The following COL12A1 variants were observed in gnomAD, a reference collection of about 807,000 sequenced individuals.
COL12A1 encodes collagen type XII alpha 1 chain.
COL12A1 carries 114 observed loss-of-function variants against 349.7 expected under a neutral mutation model. The observed-to-expected ratio is 0.33, with a 90% confidence interval of 0.28 to 0.38. COL12A1 has a LOEUF of 0.38. Among genes scored for constraint, COL12A1 ranks in the 10% least tolerant of loss-of-function variants. The pLI is 1.00. For synonymous variants in COL12A1, 1,369 were observed against 1,329.0 expected (o/e 1.03, Z -0.66); for missense variants, 3,284 against 3,756.9 (o/e 0.87, Z 3.29).
intron 11 of COL12A1, among the ~76,000 whole-genome samples, chr6:75,179,665 T>A (rs370229828): frequency 6.6e-6 from 1 of 152,328 alleles, no homozygotes; most frequent in East Asian, 1.9e-4. Flanking sequence ...TACTTCCTTA[T>A]AACTATCTTA....
chr6:75,139,982 C>T (rs1475411757), intron 27 of COL12A1, among the ~76,000 whole-genome samples: 1 of 152,074 alleles, frequency 6.6e-6, no homozygotes, highest in East Asian at 1.9e-4. Context: ...AATGAAAAGG[C>T]CCATTGAGAT....
intron 25 of COL12A1, 147 bp downstream of exon 25, chr6:75,145,179 A>G (rs921686663): frequency 3.6e-6 from 3 of 838,258 alleles, no homozygotes; most frequent in Non-Finnish European, 5.0e-6. Flanking sequence ...GAATTGAGAC[A>G]TTTATTCTCA....
At chr6:75,128,187 T>G in intron 38 of COL12A1, 109 bp downstream of exon 38, 251 of 892,256 alleles carry the variant, frequency 2.8e-4, no homozygotes, top group Non-Finnish European at 3.7e-4. Flanking sequence ...GTGTGGTATT[T>G]GAGATGTATT....
rs560301825 is a variant in COL12A1 at position 75,160,534 on chromosome 6, C to G, written c.2984-4011G>C. On this transcript the variant is annotated intron_variant, in intron 14 of 65. Coordinates refer to ENST00000322507, the MANE Select transcript of COL12A1 (RefSeq NM_004370.6). Reference sequence around the variant, plus strand: ...TCTGAAAATACTTTCTAAACAACAACAAAGTGGTGGTAGAACAAAGAAAGG... The same window carrying G: ...TCTGAAAATACTTTCTAAACAACAAGAAAGTGGTGGTAGAACAAAGAAAGG... 3.3e-5 allele frequency among the ~76,000 whole-genome samples: 5 copies of G among 152,238 alleles called. No individual in the cohort carries two copies. The East Asian group carries it at 7.7e-4, about 24-fold the overall frequency.
intron 49 of COL12A1, among the ~76,000 whole-genome samples, chr6:75,114,844 G>A (rs1319689213): frequency 1.3e-5 from 2 of 151,990 alleles, no homozygotes; most frequent in African/African-American, 4.8e-5. Flanking sequence ...TTGTATTTAT[G>A]TTTCTTTCCT....
At position 75,132,060 on chromosome 6, in the gene COL12A1, A is replaced by G. The variant is rs762625090; in HGVS notation, c.5817T>C (p.Asn1939=). 1.9e-6 allele frequency: 3 copies of G among 1,614,044 alleles called. No homozygotes were observed. The highest frequency in any genetic ancestry group is 3.3e-5 in the Admixed American group (2 of 60,014). The change falls in exon 35 of 66, where the codon AAT becomes AAC. Residue 1939 remains asparagine (N), a synonymous_variant. Transcript: ENST00000322507. ...GRTLMRGLAR[N]VQVYNPTPNS... The stretch of plus-strand genomic sequence containing the variant: ...TAGGTGTAGGATTGTATACTTGGAC[A>G]TTTCTTGCCAGTCCTCTCATCACTG...
Position 75,084,936 on chromosome 6 carries a change from G to A in COL12A1, c.*1611C>T. 3.8e-6 allele frequency: 1 copy of A among 262,014 alleles called. No individual in the cohort carries two copies. Among genetic ancestry groups the A allele is most frequent in the African/African-American group, 2.2e-5 (1 of 45,610 alleles). 16.2% of individuals were successfully genotyped at this position (262,014 alleles called of 1,614,324 possible). A position where few individuals can be genotyped will look rare whatever the true frequency, so the allele number is the denominator to read the frequency against. ...TGTGCTAACTAAAGGCACACGGCAT[G>A]TTCTCTCTTTGCAGCTTTTGTTAAC... On this transcript the variant is annotated 3_prime_UTR_variant, in exon 66 of 66. Transcript: ENST00000322507.
intron 21 of COL12A1, 97 bp downstream of exon 21, chr6:75,151,044 G>T: frequency 1.0e-6 from 1 of 982,502 alleles, no homozygotes; most frequent in South Asian, 2.0e-5. Context: ...ACATTTCATA[G>T]TGCACAAAAT....
At chr6:75,107,415 C>T (rs1422138872) in intron 52 of COL12A1, among the ~76,000 whole-genome samples, 7 of 152,020 alleles carry the variant, frequency 4.6e-5, no homozygotes, top group Non-Finnish European at 5.9e-5. Flanking sequence ...GCATTACAGG[C>T]GCCCACTACC....
chr6:75,107,387 C>T (rs1245607228), intron 52 of COL12A1, among the ~76,000 whole-genome samples: 2 of 152,112 alleles, frequency 1.3e-5, no homozygotes. Flanking sequence ...TCTCCTGCCT[C>T]AGCCTCCCAA....
At chr6:75,095,749 A>C (rs1033717632) in intron 59 of COL12A1, among the ~76,000 whole-genome samples, 2 of 152,174 alleles carry the variant, frequency 1.3e-5, no homozygotes. Flanking sequence ...AAATACACGC[A>C]TATGTATATA....
intron 12 of COL12A1, 118 bp from the exon 13 acceptor site, chr6:75,175,428 T>C (rs559538698): frequency 8.3e-7 from 1 of 1,206,588 alleles, no homozygotes; most frequent in Admixed American, 2.7e-5. Context: ...TGGGTGAGAC[T>C]ATGACAATTT....
intron 34 of COL12A1, 71 bp downstream of exon 34, chr6:75,133,222 G>T: frequency 7.6e-7 from 1 of 1,311,824 alleles, no homozygotes; most frequent in Non-Finnish European, 1.0e-6. Context: ...CTCTTTAATG[G>T]GCCTTTATGG....
chr6:75,137,155 A>G (rs993862550), intron 31 of COL12A1, among the ~76,000 whole-genome samples: 2 of 152,182 alleles, frequency 1.3e-5, no homozygotes, highest in Admixed American at 6.5e-5. Flanking sequence ...ATAATCCAGC[A>G]CTAATAGTTT....
intron 59 of COL12A1, among the ~76,000 whole-genome samples, chr6:75,095,646 A>G (rs1257275991): frequency 7.3e-6 from 1 of 136,550 alleles, no homozygotes; most frequent in Non-Finnish European, 1.6e-5. Context: ...AAAAAAAAAA[A>G]AAAAAGATAA....
At chr6:75,181,247 T>C (rs373251964) in intron 10 of COL12A1, 36 bp from the exon 11 acceptor site, 29 of 1,554,704 alleles carry the variant, frequency 1.9e-5, no homozygotes, top group Non-Finnish European at 2.3e-5. Flanking sequence ...TAAAAATGCT[T>C]GAATCTATAA....
intron 10 of COL12A1, among the ~76,000 whole-genome samples, chr6:75,182,530 A>C (rs572201992): frequency 3.3e-5 from 5 of 152,288 alleles, no homozygotes; most frequent in African/African-American, 1.2e-4. Context: ...GTCCCTGAAA[A>C]GGACACAAAC....
At chr6:75,155,898 G>T in intron 15 of COL12A1, 44 bp from the exon 16 acceptor site, 1 of 1,534,364 alleles carries the variant, frequency 6.5e-7, no homozygotes, top group South Asian at 1.3e-5. Flanking sequence ...TGTAAGACTA[G>T]GCTTTGGGGT....
intron 49 of COL12A1, 96 bp downstream of exon 49, chr6:75,115,688 C>A: frequency 6.9e-7 from 1 of 1,446,472 alleles, no homozygotes; most frequent in Non-Finnish European, 9.3e-7. Context: ...AGTCTTCTGA[C>A]AATTCTAAAG....
Sources: gnomAD v4.1 joint callset for allele counts (sites outside exome capture counted in the v4.1 genomes callset) on GRCh38, gnomAD v4.1.1 for gene constraint, MANE v1.5 for transcripts, NCBI Gene and HGNC (gene_info 2026-07-23, HGNC 2026-07-21) for gene names.